NPAS3: variants seen among roughly 807,000 people sequenced by gnomAD.
NPAS3 encodes the protein neuronal PAS domain protein 3.
A neutral mutation model predicts 73.1 loss-of-function variants in NPAS3; 14 were observed. The ratio of observed to expected loss-of-function variants is 0.19; its 90% CI spans 0.13 to 0.30. NPAS3 has a LOEUF of 0.30. Among genes scored for constraint, NPAS3 ranks in the 10% least tolerant of loss-of-function variants. The pLI is 1.00. For missense variants in NPAS3, 1,096 were observed against 1,250.0 expected (o/e 0.88, Z 1.86); for synonymous variants, 620 against 541.5 (o/e 1.14, Z -2.01).
chr14:33,284,025 T>G (rs2041751689), intron 3 of NPAS3, among the ~76,000 whole-genome samples: 1 of 152,218 alleles, frequency 6.6e-6, no homozygotes, highest in Non-Finnish European at 1.5e-5. Flanking sequence ...ATCCTTTTTC[T>G]CCTTTCTTCA....
intron 2 of NPAS3, among the ~76,000 whole-genome samples, chr14:33,208,005 G>A (rs2139633897): frequency 6.6e-6 from 1 of 152,146 alleles, no homozygotes; most frequent in Admixed American, 6.5e-5. Flanking sequence ...GAAGTGATTA[G>A]CTGATTTGGT....
chr14:33,610,461 G>A (rs1465721996), intron 5 of NPAS3, among the ~76,000 whole-genome samples: 1 of 151,896 alleles, frequency 6.6e-6, no homozygotes, highest in African/African-American at 2.4e-5. Flanking sequence ...TGTGAAAAGT[G>A]TTGTTCTTTT....
At chr14:33,290,782 T>C (rs1397684499) in intron 3 of NPAS3, among the ~76,000 whole-genome samples, 1 of 152,194 alleles carries the variant, frequency 6.6e-6, no homozygotes, top group African/African-American at 2.4e-5. Flanking sequence ...AGAGAATGAT[T>C]TTGTGGGAAC....
chr14:33,541,938 T>C (rs1298668230), intron 4 of NPAS3, among the ~76,000 whole-genome samples: 2 of 152,154 alleles, frequency 1.3e-5, no homozygotes, highest in Admixed American at 1.3e-4. Context: ...TTTTTCTTTA[T>C]AACAGCATTA....
At chr14:33,091,148 A>G (rs1370009457) in intron 2 of NPAS3, among the ~76,000 whole-genome samples, 2 of 152,216 alleles carry the variant, frequency 1.3e-5, no homozygotes, top group South Asian at 2.1e-4. Context: ...TCAGAACAGA[A>G]CTGAAGGAGA....
At chr14:33,696,792 T>C (rs1036795765) in intron 6 of NPAS3, among the ~76,000 whole-genome samples, 1 of 152,214 alleles carries the variant, frequency 6.6e-6, no homozygotes, top group African/African-American at 2.4e-5. Context: ...TGCTTTTGTT[T>C]CGTATATAAC....
At chr14:33,658,534 G>A (rs1225356548) in intron 5 of NPAS3, among the ~76,000 whole-genome samples, 1 of 152,086 alleles carries the variant, frequency 6.6e-6, no homozygotes, top group Non-Finnish European at 1.5e-5. Flanking sequence ...AAACCTTTGG[G>A]AATGACCAAA....
intron 4 of NPAS3, among the ~76,000 whole-genome samples, chr14:33,421,743 T>A (rs559292431): frequency 1.8e-4 from 28 of 152,074 alleles, no homozygotes; most frequent in Admixed American, 1.6e-3. Context: ...TGAACTTACT[T>A]TTTATAGTCA....
chr14:33,087,926 A>C (rs1302297707), intron 2 of NPAS3, among the ~76,000 whole-genome samples: 1 of 152,238 alleles, frequency 6.6e-6, no homozygotes, highest in African/African-American at 2.4e-5. Flanking sequence ...TACCTCACCC[A>C]TCTGGAGACT....
chr14:33,580,462 G>A (rs752686768), intron 5 of NPAS3, among the ~76,000 whole-genome samples: 18 of 152,172 alleles, frequency 1.2e-4, no homozygotes, highest in Non-Finnish European at 1.8e-4. Context: ...GACGGCAGGT[G>A]TATTTTAAAG....
Position 33,543,993 on chromosome 14 carries a change from A to ATATATATATC in NPAS3, c.469-16122_469-16113dup, listed in dbSNP as rs1566988600. On this transcript the variant is annotated intron_variant, in intron 4 of 11. Coordinates refer to ENST00000356141, the Ensembl canonical transcript of NPAS3. ...TATATATATATATATATATATATAT[A>ATATATATATC]TATATATATCTATATCAGGAATAGG... Among the ~76,000 whole-genome samples, 75 of 59,304 alleles carry ATATATATATC rather than the reference A, an allele frequency of 1.3e-3. 1 individual carries two copies. The highest frequency in any genetic ancestry group is 1.7e-3 in the Non-Finnish European group (55 of 32,772). The allele number at this position is 59,304 out of a possible 152,430, so 38.9% of individuals were successfully genotyped here. A position where few individuals can be genotyped will look rare whatever the true frequency, so the allele number is the denominator to read the frequency against.
intron 4 of NPAS3, among the ~76,000 whole-genome samples, chr14:33,464,735 A>G (rs1183074294): frequency 2.6e-5 from 4 of 152,162 alleles, no homozygotes; most frequent in Non-Finnish European, 5.9e-5. Context: ...ATTTATGGTC[A>G]TAGGCTCTGT....
intron 3 of NPAS3, among the ~76,000 whole-genome samples, chr14:33,293,055 C>T (rs549744504): frequency 1.3e-5 from 2 of 152,206 alleles, no homozygotes; most frequent in South Asian, 4.2e-4. Flanking sequence ...TCTCGTGACC[C>T]ATCAGATATT....
intron 5 of NPAS3, among the ~76,000 whole-genome samples, chr14:33,644,182 C>G (rs2058756669): frequency 6.6e-6 from 1 of 152,180 alleles, no homozygotes; most frequent in Non-Finnish European, 1.5e-5. Context: ...TATTAACACA[C>G]TGATCAAAAT....
At chr14:33,169,262 T>C (rs1304822596) in intron 2 of NPAS3, among the ~76,000 whole-genome samples, 1 of 152,238 alleles carries the variant, frequency 6.6e-6, no homozygotes, top group Non-Finnish European at 1.5e-5. Context: ...TGTGAACTAC[T>C]GTTTCAATCC....
chr14:33,003,040 A>G (rs981248605), intron 1 of NPAS3, among the ~76,000 whole-genome samples: 1 of 151,980 alleles, frequency 6.6e-6, no homozygotes, highest in Non-Finnish European at 1.5e-5. Flanking sequence ...GTTTTAATAC[A>G]AATGATGATT....
chr14:32,959,346 T>G (rs1464137148), intron 1 of NPAS3, among the ~76,000 whole-genome samples: 1 of 152,168 alleles, frequency 6.6e-6, no homozygotes, highest in Non-Finnish European at 1.5e-5. Context: ...GTTGTGAGGG[T>G]GTGTGTGTGC....
chr14:33,074,584 T>C (rs1455305758), intron 2 of NPAS3, among the ~76,000 whole-genome samples: 1 of 152,060 alleles, frequency 6.6e-6, no homozygotes, highest in Non-Finnish European at 1.5e-5. Flanking sequence ...GCCCAGCTAA[T>C]TTTTGTATTT....
chr14:33,626,725 T>G (rs113844663), intron 5 of NPAS3, among the ~76,000 whole-genome samples: 2,557 of 152,304 alleles, frequency 0.017, 69 homozygotes, highest in African/African-American at 0.057. Context: ...TTCCTGCCTG[T>G]ATGGAGTTTA....
Sources: allele counts gnomAD v4.1 joint callset (sites outside exome capture counted in the v4.1 genomes callset), GRCh38; gene constraint gnomAD v4.1.1; transcripts MANE v1.5; gene names NCBI Gene and HGNC (gene_info 2026-07-23, HGNC 2026-07-21).